Variants in MKLN1 observed in about 807,000 individuals in gnomAD.
The protein encoded by MKLN1 is muskelin 1.
Under a neutral mutation model 99.0 loss-of-function variants are expected in MKLN1, and 18 were observed. That is an observed-to-expected ratio of 0.18 (90% confidence interval 0.13 to 0.27). The LOEUF is 0.27. Among genes scored for constraint, MKLN1 ranks in the 10% least tolerant of loss-of-function variants. MKLN1 has a pLI of 1.00. For missense variants in MKLN1, 621 were observed against 875.9 expected, an observed-to-expected ratio of 0.71 and a Z score of 3.67; for synonymous variants, 288 against 293.2, an observed-to-expected ratio of 0.98 and a Z score of 0.18.
chr7:131,144,302 C>A lies in MKLN1; in HGVS notation c.-297+1361C>A, dbSNP rs1277509581. On this transcript the variant is annotated intron_variant, in intron 2 of 7. Transcript: ENST00000416992. ...AGGAGATCGAGACCATCCTGTGAAA[C>A]CCCGTCTCTACTAAAAAAAAATACA... 2.0e-5 allele frequency among the ~76,000 whole-genome samples: 3 copies of A among 151,070 alleles called. No homozygotes were observed. In the East Asian group the frequency reaches 5.9e-4, roughly 30 times the overall value.
intron 3 of MKLN1, among the ~76,000 whole-genome samples, chr7:131,259,681 A>T (rs1797706009): frequency 6.6e-6 from 1 of 152,138 alleles, no homozygotes; most frequent in Admixed American, 6.5e-5. Context: ...ATTGTAGTAA[A>T]ATATATATAA....
intron 2 of MKLN1, among the ~76,000 whole-genome samples, chr7:131,201,299 C>T (rs781697692): frequency 1.3e-5 from 2 of 152,156 alleles, no homozygotes; most frequent in African/African-American, 4.8e-5. Flanking sequence ...GGATTATAGG[C>T]GTGAGCCACC....
At chr7:131,246,196 A>G (rs1436364789) in intron 3 of MKLN1, among the ~76,000 whole-genome samples, 1 of 152,208 alleles carries the variant, frequency 6.6e-6, no homozygotes, top group Non-Finnish European at 1.5e-5. Context: ...ACCGGAGAAC[A>G]TCCAGGGCCA....
At chr7:131,434,414 A>G (rs1427001739) in intron 9 of MKLN1, among the ~76,000 whole-genome samples, 4 of 152,320 alleles carry the variant, frequency 2.6e-5, no homozygotes, top group East Asian at 1.9e-4. Context: ...GAGAAATACA[A>G]TTGGTTTGTT....
rs547414727 is a variant in MKLN1 at position 131,416,477 on chromosome 7, C to G, written c.847+1767C>G. Among the ~76,000 whole-genome samples, 4 of 150,760 alleles carry G rather than the reference C, an allele frequency of 2.7e-5. No homozygotes were observed. In the East Asian group the frequency reaches 5.8e-4, roughly 22 times the overall value. On this transcript the variant is annotated intron_variant, in intron 8 of 17. Coordinates refer to ENST00000352689, the MANE Select transcript of MKLN1 (RefSeq NM_013255.5). Reference sequence around the variant, plus strand: ...AAATCTAACTTTTCAGGTCAGAGAGCCTTGAAATACTTACAATAAAGTTAT... The same window carrying G: ...AAATCTAACTTTTCAGGTCAGAGAGGCTTGAAATACTTACAATAAAGTTAT...
At position 131,490,917 on chromosome 7, in the gene MKLN1, C is replaced by CCA. The variant is rs1397897629; in HGVS notation, c.*3190_*3191dup. The CCA allele has an allele frequency of 1.3e-5, 2 of 152,262 alleles. No individual in the cohort carries two copies. The highest frequency in any genetic ancestry group is 4.8e-5 in the African/African-American group (2 of 41,324). The allele number at this position is 152,262 out of a possible 1,614,324, so 9.4% of individuals were successfully genotyped here. A position where few individuals can be genotyped will look rare whatever the true frequency, so the allele number is the denominator to read the frequency against. On this transcript the variant is annotated 3_prime_UTR_variant, in exon 18 of 18. Coordinates refer to ENST00000352689, the MANE Select transcript of MKLN1 (RefSeq NM_013255.5). ...ATAAACAAAAACTAGTTTGAGGCACCCAAGCATTTAGTGAGAGATTGAGAA... is the reference window on the plus strand; with the variant it reads ...ATAAACAAAAACTAGTTTGAGGCACCCACAAGCATTTAGTGAGAGATTGAGAA...
At chr7:131,408,701 T>TC (rs1179145815) in intron 6 of MKLN1, among the ~76,000 whole-genome samples, 1 of 152,148 alleles carries the variant, frequency 6.6e-6, no homozygotes, top group African/African-American at 2.4e-5. Context: ...CCTTGAATGA[T>TC]CCTCCTGCCT....
intron 15 of MKLN1, among the ~76,000 whole-genome samples, chr7:131,469,785 A>G (rs1309802763): frequency 6.6e-6 from 1 of 152,188 alleles, no homozygotes; most frequent in Non-Finnish European, 1.5e-5. Context: ...CAGAGACGTT[A>G]TCTTTTTCAA....
At chr7:131,374,115 C>T (rs1430343480) in intron 1 of MKLN1, among the ~76,000 whole-genome samples, 1 of 152,062 alleles carries the variant, frequency 6.6e-6, no homozygotes, top group Non-Finnish European at 1.5e-5. Flanking sequence ...CCATACTGCT[C>T]CCTTCTTCTG....
intron 3 of MKLN1, among the ~76,000 whole-genome samples, chr7:131,276,442 T>A (rs1797976250): frequency 6.6e-6 from 1 of 152,142 alleles, no homozygotes; most frequent in Admixed American, 6.6e-5. Flanking sequence ...TAACCAGAAT[T>A]TCCAGGCATG....
chr7:131,430,360 C>T (rs550358239), intron 9 of MKLN1, among the ~76,000 whole-genome samples: 4 of 151,640 alleles, frequency 2.6e-5, no homozygotes, highest in East Asian at 1.9e-4. Context: ...CTTTTCTTAC[C>T]CCGGGAAAGT....
intron 8 of MKLN1, among the ~76,000 whole-genome samples, 153 bp from the exon 9 acceptor site, chr7:131,428,880 T>C (rs1463380514): frequency 7.2e-5 from 11 of 152,204 alleles, no homozygotes. Flanking sequence ...ATTAGTCTAG[T>C]ATATATTTGA....
In MKLN1 at chr7:131,399,447, A is replaced by C; in HGVS notation, c.703+14A>C. The C allele has an allele frequency of 6.2e-7, 1 of 1,609,740 alleles. No individual in the cohort carries two copies. ...AGGCTGTAAATGGTATGAAACTTAG[A>C]TTGGTTATTAGGGTAAATTCAAGTA... On this transcript the variant is annotated intron_variant, in intron 6 of 17. Coordinates refer to ENST00000352689, the MANE Select transcript of MKLN1 (RefSeq NM_013255.5).
At chr7:131,176,122 T>C (rs930686626) in intron 2 of MKLN1, among the ~76,000 whole-genome samples, 5 of 152,190 alleles carry the variant, frequency 3.3e-5, no homozygotes, top group African/African-American at 1.2e-4. Flanking sequence ...GTTTATTTTA[T>C]CAAAACATTG....
At chr7:131,279,964 C>T (rs888491154) in intron 3 of MKLN1, among the ~76,000 whole-genome samples, 12 of 152,124 alleles carry the variant, frequency 7.9e-5, no homozygotes, top group Admixed American at 6.6e-4. Flanking sequence ...TTCCCATTCC[C>T]CACCCTCAAG....
In MKLN1 at chr7:131,129,367, T is replaced by C. The variant is rs147458190; in HGVS notation, c.-418-13453T>C. On this transcript the variant is annotated intron_variant, in intron 1 of 7. Transcript: ENST00000416992. The stretch of plus-strand genomic sequence containing the variant: ...ACACAGCAATTTCACCTTTAAGACT[T>C]CATCCTAAGAAAATAACTACAGGTA... 8.8e-3 allele frequency among the ~76,000 whole-genome samples: 1,347 copies of C among 152,272 alleles called. 5 individuals carry two copies. The highest frequency in any genetic ancestry group is 0.012 in the Non-Finnish European group (838 of 68,020).
chr7:131,260,199 T>C (rs556075873), intron 3 of MKLN1, among the ~76,000 whole-genome samples: 5 of 152,218 alleles, frequency 3.3e-5, no homozygotes, highest in Admixed American at 6.6e-5. Flanking sequence ...CACGCCACCA[T>C]GCCTGGCTAA....
intron 12 of MKLN1, among the ~76,000 whole-genome samples, chr7:131,448,382 A>T (rs1414639698): frequency 6.6e-6 from 1 of 152,196 alleles, no homozygotes; most frequent in Non-Finnish European, 1.5e-5. Context: ...ATTATTCTTC[A>T]ATCATGGTTA....
rs1261653450 is a variant in MKLN1 at position 131,321,946 on chromosome 7, A to G, written c.-178-53478A>G. ...GCCCAAATGGTCTGTATGTCCCACA[A>G]ATGGAAAAAGACAGGAAATCAAAAG... is the stretch of plus-strand genomic sequence containing the variant. On this transcript the variant is annotated intron_variant, in intron 3 of 7. Coordinates refer to the MKLN1 transcript ENST00000416992. Among the ~76,000 whole-genome samples, 7 of 152,226 alleles carry G rather than the reference A, an allele frequency of 4.6e-5. No homozygotes were observed. The East Asian group carries it at 1.3e-3, about 29-fold the overall frequency.
Sources: allele counts gnomAD v4.1 joint callset (sites outside exome capture counted in the v4.1 genomes callset), GRCh38; gene constraint gnomAD v4.1.1; transcripts MANE v1.5; gene names NCBI Gene and HGNC (gene_info 2026-07-23, HGNC 2026-07-21).